The following GRID2 variants were observed in gnomAD, a reference collection of about 807,000 sequenced individuals.
GRID2 encodes glutamate ionotropic receptor delta type subunit 2, also known as glutamate receptor ionotropic, delta-2.
A neutral mutation model predicts 114.8 loss-of-function variants in GRID2; 33 were observed. The observed-to-expected ratio is 0.29, with a 90% CI of 0.22 to 0.38. The LOEUF is 0.38. GRID2 is among the 10% of genes least tolerant of loss of function. The pLI is 1.00. For missense variants in GRID2, 1,184 were observed against 1,257.7 expected, an observed-to-expected ratio of 0.94 and a Z score of 0.89; for synonymous variants, 505 against 449.9, an observed-to-expected ratio of 1.12 and a Z score of -1.55.
intron 1 of GRID2, among the ~76,000 whole-genome samples, chr4:92,365,485 CTGGTGG>C: frequency 6.6e-6 from 1 of 150,972 alleles, no homozygotes; most frequent in Non-Finnish European, 1.5e-5. Flanking sequence ...CTGGGTGGTG[CTGGTGG>C]TGGTGGTGGT....
intron 14 of GRID2, among the ~76,000 whole-genome samples, chr4:93,706,321 G>A (rs1417624012): frequency 6.6e-6 from 1 of 152,116 alleles, no homozygotes; most frequent in African/African-American, 2.4e-5. Flanking sequence ...AACATGAAAT[G>A]TCTTTCCATT....
intron 8 of GRID2, among the ~76,000 whole-genome samples, chr4:93,246,919 C>G (rs992041644): frequency 6.6e-6 from 1 of 152,118 alleles, no homozygotes; most frequent in African/African-American, 2.4e-5. Context: ...TCTTAGGGAG[C>G]CTATCTGATT....
chr4:92,714,420 A>G (rs779587341), intron 2 of GRID2, among the ~76,000 whole-genome samples: 2 of 152,126 alleles, frequency 1.3e-5, no homozygotes, highest in African/African-American at 4.8e-5. Context: ...TCAGTGGTCT[A>G]CCATTCTGGG....
intron 1 of GRID2, among the ~76,000 whole-genome samples, chr4:92,424,068 C>A (rs1360247247): frequency 6.6e-6 from 1 of 151,988 alleles, no homozygotes; most frequent in East Asian, 1.9e-4. Context: ...ATTTGGAATT[C>A]TTGTGACATT....
At chr4:93,181,595 G>A (rs955457065) in intron 4 of GRID2, among the ~76,000 whole-genome samples, 6 of 152,150 alleles carry the variant, frequency 3.9e-5, no homozygotes, top group East Asian at 3.9e-4. Flanking sequence ...CATCGTCAAT[G>A]ATCTTAGCTA....
chr4:93,546,342 A>T (rs1420996269), intron 13 of GRID2, among the ~76,000 whole-genome samples: 3 of 152,164 alleles, frequency 2.0e-5, no homozygotes, highest in Non-Finnish European at 4.4e-5. Flanking sequence ...CAGAATACAG[A>T]TGGTATTTAC....
chr4:93,393,635 T>C (rs1395484880), intron 8 of GRID2, among the ~76,000 whole-genome samples: 1 of 152,018 alleles, frequency 6.6e-6, no homozygotes, highest in Non-Finnish European at 1.5e-5. Context: ...TGTTCAGTTA[T>C]GTTTAAAAGA....
At chr4:93,107,198 C>T (rs1560885937) in intron 3 of GRID2, among the ~76,000 whole-genome samples, 2 of 152,078 alleles carry the variant, frequency 1.3e-5, no homozygotes, top group Non-Finnish European at 2.9e-5. Context: ...GCTCAGGAGG[C>T]TGAGGTGGGA....
intron 4 of GRID2, among the ~76,000 whole-genome samples, chr4:93,166,769 T>C (rs976637881): frequency 6.6e-6 from 1 of 152,092 alleles, no homozygotes; most frequent in African/African-American, 2.4e-5. Context: ...CTGTGCTTGG[T>C]CTGAGGCTTT....
chr4:92,961,256 C>T (rs191298763), intron 2 of GRID2, among the ~76,000 whole-genome samples: 1 of 151,844 alleles, frequency 6.6e-6, no homozygotes, highest in Admixed American at 6.6e-5. Flanking sequence ...TTCACTTACT[C>T]ATTTTCTGAT....
intron 11 of GRID2, among the ~76,000 whole-genome samples, chr4:93,471,276 TCTTATAGATAGGCTG>T (rs1724774737): frequency 6.6e-6 from 1 of 152,214 alleles, no homozygotes; most frequent in Non-Finnish European, 1.5e-5. Context: ...CTGTGCTGCT[TCTTATAGATAGGCTG>T]CAAGGAGGGG....
At chr4:93,501,157 G>T (rs2149473708) in intron 12 of GRID2, among the ~76,000 whole-genome samples, 1 of 152,076 alleles carries the variant, frequency 6.6e-6, no homozygotes, top group East Asian at 1.9e-4. Context: ...GAAACTCCAT[G>T]ACTTGTATGT....
intron 2 of GRID2, among the ~76,000 whole-genome samples, chr4:92,885,687 G>A (rs1015725530): frequency 6.6e-6 from 1 of 152,020 alleles, no homozygotes; most frequent in African/African-American, 2.4e-5. Flanking sequence ...ATTACTTTTT[G>A]ATTGATAGTC....
intron 8 of GRID2, among the ~76,000 whole-genome samples, chr4:93,314,640 A>G (rs28578392): frequency 0.066 from 9,997 of 151,894 alleles, 412 homozygotes; most frequent in African/African-American, 0.1. Flanking sequence ...TAGTACAACT[A>G]CCCCTCTCCT....
chr4:92,502,878 C>A (rs1723759041), intron 1 of GRID2, among the ~76,000 whole-genome samples: 1 of 151,808 alleles, frequency 6.6e-6, no homozygotes, highest in Admixed American at 6.6e-5. Context: ...CCACCACGCC[C>A]AGCTGATTTT....
Position 93,774,093 on chromosome 4 carries a change from A to G in GRID2, c.*1595A>G, listed in dbSNP as rs1471468377. 1 of 152,078 alleles carries G rather than the reference A, an allele frequency of 6.6e-6. No homozygotes were observed. Among genetic ancestry groups the G allele is most frequent in the Non-Finnish European group, 1.5e-5 (1 of 67,958 alleles). The allele number at this position is 152,078 out of a possible 1,614,324, so 9.4% of individuals were successfully genotyped here. A position where few individuals can be genotyped will look rare whatever the true frequency, so the allele number is the denominator to read the frequency against. On this transcript the variant is annotated 3_prime_UTR_variant, in exon 16 of 16. Transcript: ENST00000282020. ...ATCAACCTATGTGATTTGCTTTAGG[A>G]GAAATTAAAAGGTATATTCTTAAGA...
At chr4:93,364,773 C>A (rs1028694356) in intron 8 of GRID2, among the ~76,000 whole-genome samples, 2 of 152,158 alleles carry the variant, frequency 1.3e-5, no homozygotes, top group Non-Finnish European at 2.9e-5. Context: ...GCCACTGTAC[C>A]TAACCCTCTT....
intron 9 of GRID2, among the ~76,000 whole-genome samples, chr4:93,410,626 C>A (rs1367897479): frequency 6.6e-6 from 1 of 152,152 alleles, no homozygotes; most frequent in Non-Finnish European, 1.5e-5. Context: ...TCTTGTTGCC[C>A]CAACTGGAGA....
intron 14 of GRID2, among the ~76,000 whole-genome samples, chr4:93,674,631 C>A (rs1161807838): frequency 1.3e-5 from 2 of 148,610 alleles, no homozygotes; most frequent in Non-Finnish European, 3.0e-5. Flanking sequence ...TTTTTTATTT[C>A]TTTAAATATC....
Sources: allele counts gnomAD v4.1 joint callset (sites outside exome capture counted in the v4.1 genomes callset), GRCh38; gene constraint gnomAD v4.1.1; transcripts MANE v1.5; gene names NCBI Gene and HGNC (gene_info 2026-07-23, HGNC 2026-07-21).